The following MYBL1 variants were observed in gnomAD, a reference collection of about 807,000 sequenced individuals.
The protein encoded by MYBL1 is myb-related protein A.
MYBL1 carries 17 observed loss-of-function variants against 96.3 expected under a neutral mutation model. The ratio of observed to expected loss-of-function variants is 0.18; its 90% CI spans 0.12 to 0.26. MYBL1 has a LOEUF of 0.26. MYBL1 is among the 10% of genes least tolerant of loss of function. MYBL1 has a pLI of 1.00. For missense variants in MYBL1, 701 were observed against 882.9 expected, an observed-to-expected ratio of 0.79 and a Z score of 2.61; for synonymous variants, 282 against 292.7, an observed-to-expected ratio of 0.96 and a Z score of 0.37.
intron 14 of MYBL1, 26 bp downstream of exon 14, chr8:66,566,658 A>T (rs1808514717): frequency 6.9e-7 from 1 of 1,454,360 alleles, no homozygotes; most frequent in African/African-American, 1.4e-5. Flanking sequence ...CATTTAAAAT[A>T]ACAACAATAA....
intron 15 of MYBL1, chr8:66,565,093 C>A: frequency 5.4e-6 from 1 of 185,306 alleles, no homozygotes; most frequent in Non-Finnish European, 1.1e-5. Context: ...GTCTTGTCCC[C>A]AATAATTCCC....
chr8:66,565,917 T>G, intron 15 of MYBL1, 147 bp downstream of exon 15: 1 of 601,098 alleles, frequency 1.7e-6, no homozygotes, highest in Non-Finnish European at 2.8e-6. Flanking sequence ...AACCCAAATG[T>G]GAGTGATAAA....
At chr8:66,594,947 A>G (rs1324506752) in intron 6 of MYBL1, among the ~76,000 whole-genome samples, 1 of 152,208 alleles carries the variant, frequency 6.6e-6, no homozygotes, top group Non-Finnish European at 1.5e-5. Context: ...GAAAAATGGC[A>G]TAACAGGTAG....
At chr8:66,603,518 GCTTGCTCTGTC>G (rs1304309131) in intron 1 of MYBL1, among the ~76,000 whole-genome samples, 2 of 150,488 alleles carry the variant, frequency 1.3e-5, no homozygotes, top group African/African-American at 4.9e-5. Context: ...CAGGGTCTCA[GCTTGCTCTGTC>G]ACCCAGGCTG....
At chr8:66,572,390 T>C (rs1237409715) in intron 12 of MYBL1, 92 bp downstream of exon 12, 8 of 617,222 alleles carry the variant, frequency 1.3e-5, no homozygotes, top group Non-Finnish European at 2.1e-5. Flanking sequence ...TAAATATCTT[T>C]TTTTAAATGT....
intron 8 of MYBL1, among the ~76,000 whole-genome samples, chr8:66,585,267 GA>G (rs201035416): frequency 0.018 from 2,744 of 152,262 alleles, 43 homozygotes; most frequent in Admixed American, 0.048. Flanking sequence ...ACTGATGGAA[GA>G]AGAGAGAGTC....
At chr8:66,605,651 A>G (rs1212632294) in intron 1 of MYBL1, among the ~76,000 whole-genome samples, 1 of 151,972 alleles carries the variant, frequency 6.6e-6, no homozygotes, top group Non-Finnish European at 1.5e-5. Context: ...TGAAACCCCT[A>G]CTAAAAATAC....
rs940356781 is a variant in MYBL1 at position 66,581,956 on chromosome 8, A to G, written c.868-1590T>C. Among the ~76,000 whole-genome samples, 3 of 152,216 alleles carry G rather than the reference A, an allele frequency of 2.0e-5. No individual in the cohort carries two copies. The East Asian group carries it at 5.8e-4, about 29-fold the overall frequency. ...TCAGCCTTACAAGAAGTGCTCAAAA[A>G]AGTCCTATACCTGAAAGCAAAAAGA... On this transcript the variant is annotated intron_variant, in intron 8 of 15. Coordinates refer to ENST00000522677, the MANE Select transcript of MYBL1 (RefSeq NM_001080416.4).
At chr8:66,575,370 A>T (rs531507708) in intron 10 of MYBL1, among the ~76,000 whole-genome samples, 1 of 152,354 alleles carries the variant, frequency 6.6e-6, no homozygotes, top group Non-Finnish European at 1.5e-5. Context: ...ACCGGATCTT[A>T]GTCTCAGCCT....
intron 8 of MYBL1, among the ~76,000 whole-genome samples, chr8:66,589,534 G>T (rs1809553979): frequency 6.6e-6 from 1 of 152,050 alleles, no homozygotes; most frequent in African/African-American, 2.4e-5. Flanking sequence ...AGGTTGGAGT[G>T]CAGGGGTGTG....
intron 3 of MYBL1, among the ~76,000 whole-genome samples, chr8:66,600,705 ATTT>A (rs561076152): frequency 5.7e-4 from 87 of 152,322 alleles, no homozygotes; most frequent in Non-Finnish European, 1.1e-3. Context: ...TGACTCCAAA[ATTT>A]ATGCTCTTTC....
rs775410846 is a variant in MYBL1 at position 66,576,274 on chromosome 8, A to C, written c.1203T>G (p.Asn401Lys). The C allele has an allele frequency of 5.5e-5, 88 of 1,613,866 alleles. No individual in the cohort carries two copies. Among genetic ancestry groups the C allele is most frequent in the Admixed American group, 2.2e-4 (13 of 59,996 alleles). The change falls in exon 10 of 16, where the codon AAT (asparagine) becomes AAG (lysine). Residue 401 changes from asparagine to lysine, a missense_variant. Physicochemically the swap from Asn to Lys is moderately conservative, Grantham distance 94. Transcript: ENST00000522677. ...TAAATTGGCATTCCATGGCTCCTTC[A>C]TTGTGCTGAATTCTCATTAATTTAA... is the stretch of plus-strand genomic sequence containing the variant. ...TPVKLMRIQHNEGAMECQFNV... is the reference protein window; with the variant it reads ...TPVKLMRIQHKEGAMECQFNV...
chr8:66,595,069 T>C (rs1226223887), intron 6 of MYBL1, among the ~76,000 whole-genome samples: 1 of 152,166 alleles, frequency 6.6e-6, no homozygotes, highest in Non-Finnish European at 1.5e-5. Context: ...GCTCGTGTAA[T>C]ACCTACTTTA....
Position 66,572,600 on chromosome 8 carries a change from T to G in MYBL1, c.1614-4A>C, listed in dbSNP as rs773861552. 7.4e-7 allele frequency: 1 copy of G among 1,360,460 alleles called. No homozygotes were observed. Among genetic ancestry groups the G allele is most frequent in the Non-Finnish European group, 1.0e-6 (1 of 974,290 alleles). The allele number at this position is 1,360,460 out of a possible 1,614,324, so 84.3% of individuals were successfully genotyped here. A position where few individuals can be genotyped will look rare whatever the true frequency, so the allele number is the denominator to read the frequency against. On this transcript the variant is annotated splice_region_variant and splice_polypyrimidine_tract_variant and intron_variant, in intron 11 of 15. Transcript: ENST00000522677. ...TCTAATAGTAGGTGTTCTAAACCTATCCAGTCATTTAGATATTTATGTTAT... is the reference window on the plus strand; with the variant it reads ...TCTAATAGTAGGTGTTCTAAACCTAGCCAGTCATTTAGATATTTATGTTAT...
At chr8:66,593,400 AAC>A (rs1258058168) in intron 6 of MYBL1, among the ~76,000 whole-genome samples, 3 of 152,246 alleles carry the variant, frequency 2.0e-5, no homozygotes, top group Non-Finnish European at 4.4e-5. Context: ...TAAAAGTCGT[AAC>A]ACTTAGAAAA....
intron 1 of MYBL1, among the ~76,000 whole-genome samples, chr8:66,606,100 C>G (rs888963696): frequency 6.6e-6 from 1 of 152,148 alleles, no homozygotes; most frequent in African/African-American, 2.4e-5. Context: ...TGCTAGGAAG[C>G]TGGAAGATAC....
intron 8 of MYBL1, 81 bp downstream of exon 8, chr8:66,592,359 A>G: frequency 1.1e-6 from 1 of 920,780 alleles, no homozygotes; most frequent in Non-Finnish European, 1.7e-6. Context: ...AGTCATACTG[A>G]GTATGCTTTC....
chr8:66,602,201 G>A (rs765568762), intron 2 of MYBL1, among the ~76,000 whole-genome samples: 4 of 151,776 alleles, frequency 2.6e-5, no homozygotes, highest in Non-Finnish European at 5.9e-5. Context: ...ACAGACATGC[G>A]CCACCATACC....
At position 66,590,484 on chromosome 8, in the gene MYBL1, T is replaced by C. The variant is rs1344858425; in HGVS notation, c.867+1956A>G. ...AACAATTTTAAAAATTAGCCGGGCATGTTGGTACATGCCTGTAATCCCAGC... is the reference window on the plus strand; with the variant it reads ...AACAATTTTAAAAATTAGCCGGGCACGTTGGTACATGCCTGTAATCCCAGC... On this transcript the variant is annotated intron_variant, in intron 8 of 15. Transcript: ENST00000522677. Among the ~76,000 whole-genome samples the C allele has an allele frequency of 2.0e-5, 3 of 151,980 alleles. No homozygotes were observed. In the East Asian group the frequency reaches 5.8e-4, roughly 29 times the overall value.
Sources: allele counts gnomAD v4.1 joint callset (sites outside exome capture counted in the v4.1 genomes callset), GRCh38; gene constraint gnomAD v4.1.1; transcripts MANE v1.5; gene names NCBI Gene and HGNC (gene_info 2026-07-23, HGNC 2026-07-21).